FER: variants seen among roughly 807,000 people sequenced by gnomAD.
FER encodes the protein tyrosine-protein kinase Fer.
FER carries 63 observed loss-of-function variants against 111.0 expected under a neutral mutation model. The observed-to-expected ratio is 0.57, with a 90% CI of 0.46 to 0.70. The LOEUF (loss-of-function observed/expected upper bound fraction) is 0.70, where lower values mean the gene tolerates loss of function less well. Ranked by LOEUF, FER falls within the 30% of genes least tolerant of loss-of-function variation. FER has a pLI of 0.00. For missense variants in FER, 914 were observed against 954.0 expected (o/e 0.96, Z 0.55); for synonymous variants, 327 against 313.9 (o/e 1.04, Z -0.44).
intron 8 of FER, 56 bp from the exon 9 acceptor site, chr5:108,883,340 A>G (rs1386527405): frequency 1.4e-6 from 2 of 1,476,400 alleles, no homozygotes; most frequent in African/African-American, 2.9e-5. Context: ...CTTTTTTGAT[A>G]TGTATAAAGT....
chr5:108,819,989 A>T, intron 3 of FER: 1 of 985,334 alleles, frequency 1.0e-6, no homozygotes, highest in Non-Finnish European at 1.2e-6. Flanking sequence ...GATAATCTGG[A>T]ACTACAGGAA....
chr5:108,821,073 C>T (rs1223742744), intron 3 of FER, among the ~76,000 whole-genome samples: 2 of 152,214 alleles, frequency 1.3e-5, no homozygotes, highest in Non-Finnish European at 2.9e-5. Flanking sequence ...GATTGCTCCA[C>T]TGTACTCCAG....
intron 10 of FER, 82 bp downstream of exon 10, chr5:108,897,930 C>A: frequency 1.1e-5 from 13 of 1,237,964 alleles, no homozygotes; most frequent in Non-Finnish European, 1.4e-5. Flanking sequence ...TTTAAATTTG[C>A]TATAACAAAT....
At chr5:108,983,697 G>T (rs1222440811) in intron 13 of FER, among the ~76,000 whole-genome samples, 1 of 152,016 alleles carries the variant, frequency 6.6e-6, no homozygotes, top group African/African-American at 2.4e-5. Context: ...ACTTTAAGCG[G>T]TTTACAATTT....
intron 17 of FER, among the ~76,000 whole-genome samples, chr5:109,105,197 A>G (rs1274213762): frequency 6.7e-6 from 1 of 148,332 alleles, no homozygotes. Context: ...GTACTTTTTT[A>G]GTTAAATGTA....
intron 5 of FER, among the ~76,000 whole-genome samples, chr5:108,842,081 A>G (rs1002978402): frequency 2.0e-5 from 3 of 152,188 alleles, no homozygotes; most frequent in African/African-American, 7.2e-5. Flanking sequence ...TTTGCATTAA[A>G]TGCAGAAATA....
At chr5:108,931,368 T>C (rs1754651750) in intron 10 of FER, among the ~76,000 whole-genome samples, 1 of 152,210 alleles carries the variant, frequency 6.6e-6, no homozygotes, top group Non-Finnish European at 1.5e-5. Flanking sequence ...GGTGTCTCAC[T>C]GAGCTACACT....
Position 108,996,895 on chromosome 5 carries a change from C to T in FER, c.1656+37548C>T, listed in dbSNP as rs148604924. Among the ~76,000 whole-genome samples the T allele has an allele frequency of 7.6e-3, 1,159 of 152,266 alleles. 11 individuals carry two copies. Among genetic ancestry groups the T allele is most frequent in the African/African-American group, 0.027 (1,132 of 41,556 alleles). ...GATATTGATTCTTCTTATCCATGAG[C>T]ATGGAATGTTTTTTCATTTATTTGT... is the stretch of plus-strand genomic sequence containing the variant. On this transcript the variant is annotated intron_variant, in intron 13 of 19. Coordinates refer to ENST00000281092, the MANE Select transcript of FER (RefSeq NM_005246.4).
intron 18 of FER, among the ~76,000 whole-genome samples, chr5:109,185,450 G>C (rs151256191): frequency 2.8e-3 from 426 of 152,310 alleles, no homozygotes; most frequent in Admixed American, 6.1e-3. Flanking sequence ...ATTGCTTTAA[G>C]TTTGTTTGTA....
At chr5:108,891,946 G>C (rs1452686486) in intron 9 of FER, among the ~76,000 whole-genome samples, 1 of 152,092 alleles carries the variant, frequency 6.6e-6, no homozygotes, top group African/African-American at 2.4e-5. Context: ...ATAGTTTGCT[G>C]AGAATGATGG....
chr5:108,924,808 A>G (rs1327732804), intron 10 of FER: 19 of 1,231,478 alleles, frequency 1.5e-5, no homozygotes, highest in Non-Finnish European at 1.6e-5. Context: ...AAGTTCTGCC[A>G]CAGGCCTACT....
intron 5 of FER, among the ~76,000 whole-genome samples, chr5:108,841,373 A>T (rs548694659): frequency 6.6e-6 from 1 of 152,352 alleles, no homozygotes; most frequent in East Asian, 1.9e-4. Context: ...TTTAGCCATA[A>T]AACAGTTTTG....
At chr5:108,843,010 A>G (rs938801540) in intron 5 of FER, 24 of 152,242 alleles carry the variant, frequency 1.6e-4, no homozygotes, top group African/African-American at 4.3e-4. Flanking sequence ...ATGTCCATCA[A>G]TAAACAAGTG....
At chr5:108,966,388 CTTTTTTT>C (rs34899054) in intron 13 of FER, among the ~76,000 whole-genome samples, 5 of 124,982 alleles carry the variant, frequency 4.0e-5, no homozygotes, top group Non-Finnish European at 8.4e-5. Context: ...TTTTTCTTTT[CTTTTTTT>C]TTTTTTTTTT....
chr5:108,938,224 G>A (rs1581290872), intron 10 of FER, among the ~76,000 whole-genome samples: 1 of 151,902 alleles, frequency 6.6e-6, no homozygotes, highest in Middle Eastern at 3.4e-3. Flanking sequence ...TCCTAAGATG[G>A]GAGTTATCTG....
chr5:108,758,874 G>A (rs1751406249), intron 1 of FER, among the ~76,000 whole-genome samples: 1 of 152,152 alleles, frequency 6.6e-6, no homozygotes, highest in African/African-American at 2.4e-5. Flanking sequence ...TAGTCCTCTA[G>A]CGTGCATACA....
At chr5:108,876,228 G>T (rs940931165) in intron 8 of FER, among the ~76,000 whole-genome samples, 8 of 152,128 alleles carry the variant, frequency 5.3e-5, no homozygotes, top group African/African-American at 1.9e-4. Context: ...ATCAAAGGAA[G>T]AATTATATTT....
At chr5:108,901,687 C>A (rs767393539) in intron 10 of FER, among the ~76,000 whole-genome samples, 2 of 152,226 alleles carry the variant, frequency 1.3e-5, no homozygotes, top group Admixed American at 6.5e-5. Context: ...TGTAGTGGCT[C>A]ACACCTGTAA....
intron 3 of FER, among the ~76,000 whole-genome samples, chr5:108,816,938 C>T (rs561864583): frequency 6.0e-5 from 9 of 151,134 alleles, no homozygotes; most frequent in Non-Finnish European, 1.0e-4. Context: ...CCCATCTCTA[C>T]CAAAAATAAA....
Sources: gnomAD v4.1 joint callset for allele counts (sites outside exome capture counted in the v4.1 genomes callset) on GRCh38, gnomAD v4.1.1 for gene constraint, MANE v1.5 for transcripts, NCBI Gene and HGNC (gene_info 2026-07-23, HGNC 2026-07-21) for gene names.